The following GABRG3 variants were observed in gnomAD, a reference collection of about 807,000 sequenced individuals.
GABRG3 encodes the protein gamma-aminobutyric acid type A receptor subunit gamma3, also known as gamma-aminobutyric acid receptor subunit gamma-3.
A neutral mutation model predicts 48.8 loss-of-function variants in GABRG3; 25 were observed. The ratio of observed to expected loss-of-function variants is 0.51; its 90% CI spans 0.37 to 0.72. The LOEUF (loss-of-function observed/expected upper bound fraction) is 0.72, where lower values mean the gene tolerates loss of function less well. Ranked by LOEUF, GABRG3 falls within the 30% of genes least tolerant of loss-of-function variation. GABRG3 has a pLI of 0.00. For missense variants in GABRG3, 394 were observed against 577.9 expected (o/e 0.68, Z 3.26); for synonymous variants, 227 against 217.6 (o/e 1.04, Z -0.38).
intron 3 of GABRG3, among the ~76,000 whole-genome samples, chr15:27,188,651 T>G (rs968059592): frequency 6.6e-6 from 1 of 151,840 alleles, no homozygotes; most frequent in Non-Finnish European, 1.5e-5. Flanking sequence ...GAGTAGGTTG[T>G]GAAAATTTTC....
intron 3 of GABRG3, among the ~76,000 whole-genome samples, chr15:27,226,921 G>A (rs919184651): frequency 3.3e-5 from 5 of 152,180 alleles, no homozygotes; most frequent in Admixed American, 6.5e-5. Flanking sequence ...GAAACAAAAA[G>A]CCAGGCCTCT....
rs192188453 is a variant in GABRG3, at chr15:27,463,866, G to A, written c.575-16784G>A. On this transcript the variant is annotated intron_variant, in intron 5 of 9. Coordinates refer to ENST00000615808, the MANE Select transcript of GABRG3 (RefSeq NM_033223.5). ...CTACATCACTCCAACTTCTCTCTTCGCTCTTCTCTCAGGGAGTGGGCTCAG... is the reference window on the plus strand; with the variant it reads ...CTACATCACTCCAACTTCTCTCTTCACTCTTCTCTCAGGGAGTGGGCTCAG... Among the ~76,000 whole-genome samples the A allele has an allele frequency of 2.9e-4, 44 of 152,134 alleles. No individual in the cohort carries two copies. In the East Asian group the frequency reaches 5.8e-3, roughly 20 times the overall value.
intron 3 of GABRG3, among the ~76,000 whole-genome samples, chr15:27,191,212 T>C (rs1721819800): frequency 6.6e-6 from 1 of 152,154 alleles, no homozygotes; most frequent in African/African-American, 2.4e-5. Flanking sequence ...TGATTTGGGG[T>C]GGAGAGTTCT....
chr15:27,068,291 G>A (rs1035911368), intron 3 of GABRG3, among the ~76,000 whole-genome samples: 3 of 152,346 alleles, frequency 2.0e-5, no homozygotes, highest in East Asian at 1.9e-4. Flanking sequence ...GGAGATGCTC[G>A]CACTGCAGGA....
At chr15:27,300,697 A>C (rs1042958211) in intron 3 of GABRG3, among the ~76,000 whole-genome samples, 6 of 131,392 alleles carry the variant, frequency 4.6e-5, no homozygotes, top group African/African-American at 1.1e-4. Flanking sequence ...AAAAAAAAAA[A>C]CACCTGGATT....
intron 3 of GABRG3, among the ~76,000 whole-genome samples, chr15:27,112,715 C>T (rs1897575773): frequency 6.6e-6 from 1 of 152,160 alleles, no homozygotes; most frequent in Non-Finnish European, 1.5e-5. Context: ...GCTGGAATTA[C>T]AGGTGTGAGC....
intron 3 of GABRG3, among the ~76,000 whole-genome samples, chr15:27,284,331 A>C (rs1178291569): frequency 6.6e-6 from 1 of 152,248 alleles, no homozygotes. Flanking sequence ...ATTTGTTTGT[A>C]AAAGTCTAAG....
At chr15:27,080,964 G>T (rs1219642646) in intron 3 of GABRG3, among the ~76,000 whole-genome samples, 2 of 152,154 alleles carry the variant, frequency 1.3e-5, no homozygotes, top group Non-Finnish European at 2.9e-5. Context: ...TGGGGAGGGG[G>T]ACAGAGACCT....
chr15:26,986,534 C>T (rs147619342), intron 2 of GABRG3, among the ~76,000 whole-genome samples: 375 of 152,262 alleles, frequency 2.5e-3, no homozygotes, highest in East Asian at 0.016. Context: ...CCTAGGATTG[C>T]ACCATGCCAC....
At chr15:27,075,338 A>G (rs1896893105) in intron 3 of GABRG3, among the ~76,000 whole-genome samples, 1 of 152,202 alleles carries the variant, frequency 6.6e-6, no homozygotes. Context: ...GAGGCTTTAC[A>G]CTGGTTGAGC....
chr15:27,282,572 A>G (rs1198647452), intron 3 of GABRG3, among the ~76,000 whole-genome samples: 2 of 152,128 alleles, frequency 1.3e-5, no homozygotes, highest in Non-Finnish European at 2.9e-5. Flanking sequence ...TCTACTTTGT[A>G]TCATAGGTTT....
At chr15:27,144,610 G>T (rs920632056) in intron 3 of GABRG3, among the ~76,000 whole-genome samples, 1 of 152,160 alleles carries the variant, frequency 6.6e-6, no homozygotes, top group African/African-American at 2.4e-5. Context: ...GTGCATAAGA[G>T]GCCTTTGAAA....
In GABRG3 at chr15:27,114,627, G is replaced by A. The variant is rs532179596; in HGVS notation, c.270+87806G>A. Among the ~76,000 whole-genome samples, 9 of 152,316 alleles carry A rather than the reference G, an allele frequency of 5.9e-5. No individual in the cohort carries two copies. In the South Asian group the frequency reaches 1.9e-3, roughly 32 times the overall value. On this transcript the variant is annotated intron_variant, in intron 3 of 9. Coordinates refer to ENST00000615808, the MANE Select transcript of GABRG3 (RefSeq NM_033223.5). Reference sequence around the variant, plus strand: ...GTTGACTTGAAAAATAGTCATGAAAGTAGCTGAGTGAGCATTAATTAAACA... The same window carrying A: ...GTTGACTTGAAAAATAGTCATGAAAATAGCTGAGTGAGCATTAATTAAACA...
intron 3 of GABRG3, among the ~76,000 whole-genome samples, chr15:27,095,024 A>C (rs1897248751): frequency 6.6e-6 from 1 of 152,054 alleles, no homozygotes; most frequent in African/African-American, 2.4e-5. Flanking sequence ...GCTCTGCCTC[A>C]GTGTTTAACC....
At chr15:27,247,256 C>T (rs552738197) in intron 3 of GABRG3, among the ~76,000 whole-genome samples, 7 of 151,978 alleles carry the variant, frequency 4.6e-5, no homozygotes, top group Admixed American at 6.6e-5. Context: ...TCTTTAAAAC[C>T]CCCTCATAGA....
rs1891593975 is a variant in GABRG3 at position 27,538,266 on chromosome 15, T to C, written c.*5385T>C. 6.6e-6 allele frequency: 1 copy of C among 152,244 alleles called. No homozygotes were observed. The highest frequency in any genetic ancestry group is 2.4e-5 in the African/African-American group (1 of 41,464). 9.4% of individuals were successfully genotyped at this position (152,244 alleles called of 1,614,324 possible). On this transcript the variant is annotated 3_prime_UTR_variant, in exon 10 of 10. Transcript: ENST00000615808. ...AAGCCAAATTTTAGGCGAACTTAAA[T>C]AAATCAGTGCTGAAAAACTAGTTGA... is the stretch of plus-strand genomic sequence containing the variant.
At chr15:27,006,927 C>T (rs1595468687) in intron 2 of GABRG3, among the ~76,000 whole-genome samples, 1 of 151,842 alleles carries the variant, frequency 6.6e-6, no homozygotes, top group East Asian at 1.9e-4. Flanking sequence ...CAGCCTCGAA[C>T]TCCTGGGCTC....
chr15:27,137,691 A>G (rs1318495665), intron 3 of GABRG3, among the ~76,000 whole-genome samples: 1 of 152,160 alleles, frequency 6.6e-6, no homozygotes, highest in Non-Finnish European at 1.5e-5. Flanking sequence ...TCAAACACAG[A>G]GTTCACAGGA....
chr15:27,354,905 TA>T (rs1894784829), intron 5 of GABRG3, among the ~76,000 whole-genome samples: 1 of 152,232 alleles, frequency 6.6e-6, no homozygotes, highest in Non-Finnish European at 1.5e-5. Context: ...TAAAGATTCC[TA>T]AATGAACATT....
Sources: gnomAD v4.1 joint callset for allele counts (sites outside exome capture counted in the v4.1 genomes callset) on GRCh38, gnomAD v4.1.1 for gene constraint, MANE v1.5 for transcripts, NCBI Gene and HGNC (gene_info 2026-07-23, HGNC 2026-07-21) for gene names.